The following RYR2 variants were observed in gnomAD, a reference collection of about 807,000 sequenced individuals.
RYR2 encodes the protein ryanodine receptor 2.
A neutral mutation model predicts 601.1 loss-of-function variants in RYR2; 227 were observed. That is an observed-to-expected ratio of 0.38 (90% CI 0.34 to 0.42). The LOEUF is 0.42. Among genes scored for constraint, RYR2 ranks in the 10% least tolerant of loss-of-function variants. The pLI is 1.00. For synonymous variants in RYR2, 2,223 were observed against 2,175.1 expected (o/e 1.02, Z -0.61); for missense variants, 4,646 against 6,156.5 (o/e 0.75, Z 8.21).
intron 80 of RYR2, among the ~76,000 whole-genome samples, chr1:237,746,196 T>G (rs1248812222): frequency 1.3e-5 from 2 of 152,204 alleles, no homozygotes; most frequent in Non-Finnish European, 2.9e-5. Flanking sequence ...AGACATAGTC[T>G]AATAGTGGAG....
At chr1:237,354,550 G>A (rs1699135335) in intron 3 of RYR2, among the ~76,000 whole-genome samples, 2 of 151,944 alleles carry the variant, frequency 1.3e-5, no homozygotes, top group African/African-American at 4.8e-5. Context: ...TTTTTTTGGG[G>A]AAGAGAATAA....
chr1:237,280,781 G>GTTTTTT (rs35115328), intron 2 of RYR2, among the ~76,000 whole-genome samples: 5 of 143,670 alleles, frequency 3.5e-5, no homozygotes, highest in Non-Finnish European at 3.0e-5. Context: ...CTTCTTACTG[G>GTTTTTT]TTTTTTTTTT....
intron 58 of RYR2, among the ~76,000 whole-genome samples, chr1:237,672,706 G>C (rs1685062589): frequency 6.6e-6 from 1 of 152,024 alleles, no homozygotes. Flanking sequence ...TCTTTGATTA[G>C]GACAAAAGTC....
intron 17 of RYR2, among the ~76,000 whole-genome samples, chr1:237,481,748 A>G (rs1662115974): frequency 6.6e-6 from 1 of 151,342 alleles, no homozygotes; most frequent in Non-Finnish European, 1.5e-5. Context: ...CCCAGATACA[A>G]ATTACTGCTT....
intron 50 of RYR2, 42 bp downstream of exon 50, chr1:237,650,139 A>T: frequency 6.4e-7 from 1 of 1,552,734 alleles, no homozygotes; most frequent in Non-Finnish European, 8.8e-7. Flanking sequence ...TTCTTTAAAA[A>T]ACAGAATTTA....
At chr1:237,629,563 C>A (rs1448850971) in intron 41 of RYR2, among the ~76,000 whole-genome samples, 1 of 151,548 alleles carries the variant, frequency 6.6e-6, no homozygotes, top group African/African-American at 2.4e-5. Context: ...GATGTAGTTA[C>A]ATAGATATCA....
chr1:237,612,628 A>G (rs924848794), intron 36 of RYR2, among the ~76,000 whole-genome samples: 4 of 152,006 alleles, frequency 2.6e-5, no homozygotes, highest in Non-Finnish European at 5.9e-5. Context: ...GAGTTTTATC[A>G]TAATTTTTCA....
chr1:237,554,876 T>A (rs1363110794), intron 27 of RYR2, among the ~76,000 whole-genome samples: 1 of 152,068 alleles, frequency 6.6e-6, no homozygotes. Context: ...CTTTTTATCT[T>A]GATCACTTCT....
At chr1:237,315,274 C>T (rs1234882047) in intron 2 of RYR2, among the ~76,000 whole-genome samples, 1 of 152,090 alleles carries the variant, frequency 6.6e-6, no homozygotes, top group Non-Finnish European at 1.5e-5. Context: ...CAGATAAATT[C>T]TGTGCAAGAT....
chr1:237,817,542 A>G (rs1661967903), intron 100 of RYR2, among the ~76,000 whole-genome samples: 1 of 152,220 alleles, frequency 6.6e-6, no homozygotes, highest in Non-Finnish European at 1.5e-5. Context: ...ACACCAAAAA[A>G]TAAGCAAGCT....
At chr1:237,282,872 A>G (rs1408864358) in intron 2 of RYR2, among the ~76,000 whole-genome samples, 1 of 152,226 alleles carries the variant, frequency 6.6e-6, no homozygotes, top group Non-Finnish European at 1.5e-5. Context: ...GGAACTCCCA[A>G]GTGTTCTGCT....
At chr1:237,289,184 G>A (rs563742642) in intron 2 of RYR2, among the ~76,000 whole-genome samples, 16 of 152,232 alleles carry the variant, frequency 1.1e-4, no homozygotes, top group South Asian at 1.0e-3. Context: ...GGAGCAGTCC[G>A]CTTCCTTCAG....
chr1:237,641,847 T>G (rs1681589586), intron 47 of RYR2, among the ~76,000 whole-genome samples: 1 of 152,266 alleles, frequency 6.6e-6, no homozygotes, highest in African/African-American at 2.4e-5. Context: ...CAGCCTAGAT[T>G]AGTATTTTCT....
At chr1:237,284,571 T>C (rs879309913) in intron 2 of RYR2, among the ~76,000 whole-genome samples, 1 of 91,322 alleles carries the variant, frequency 1.1e-5, no homozygotes, top group African/African-American at 6.7e-5. Flanking sequence ...CCACCATATA[T>C]ATACACACAC....
chr1:237,228,943 T>C (rs988836729), intron 1 of RYR2, among the ~76,000 whole-genome samples: 2 of 152,194 alleles, frequency 1.3e-5, no homozygotes, highest in African/African-American at 2.4e-5. Flanking sequence ...ACAGCTAACA[T>C]TGTGCACCTA....
chr1:237,181,346 C>T (rs559045422), intron 1 of RYR2, among the ~76,000 whole-genome samples: 2 of 152,182 alleles, frequency 1.3e-5, no homozygotes, highest in Admixed American at 6.5e-5. Flanking sequence ...CAGGTTCCGA[C>T]GATTATTCCT....
chr1:237,569,164 G>A lies in RYR2; in HGVS notation c.3443G>A (p.Gly1148Asp). ...DGFKAQRWHQ[G>D]NEHYGRSWQA... ...GTATAGGCCCAGCGGTGGCATCAGG[G>A]CAATGAACACTATGGGCGCTCTTGG... The change falls in exon 29 of 105, where the codon GGC becomes GAC. Residue 1148 changes from glycine (G) to aspartate (D), a missense_variant. Physicochemically the swap from Gly to Asp is moderately conservative, Grantham distance 94. Transcript: ENST00000366574. 1 of 1,613,736 alleles carries A rather than the reference G, an allele frequency of 6.2e-7. No individual in the cohort carries two copies. The highest frequency in any genetic ancestry group is 8.5e-7 in the Non-Finnish European group (1 of 1,179,804).
chr1:237,288,000 G>A (rs1691748251), intron 2 of RYR2, among the ~76,000 whole-genome samples: 1 of 152,276 alleles, frequency 6.6e-6, no homozygotes, highest in East Asian at 1.9e-4. Context: ...GTCCCACGAG[G>A]TGTTCCCTTG....
At chr1:237,438,014 T>C (rs1261850833) in intron 12 of RYR2, among the ~76,000 whole-genome samples, 1 of 123,504 alleles carries the variant, frequency 8.1e-6, no homozygotes, top group African/African-American at 2.8e-5. Context: ...AGTGTTTTAA[T>C]GGCAATCTGA....
Sources: gnomAD v4.1 joint callset for allele counts (sites outside exome capture counted in the v4.1 genomes callset) on GRCh38, gnomAD v4.1.1 for gene constraint, MANE v1.5 for transcripts, NCBI Gene and HGNC (gene_info 2026-07-23, HGNC 2026-07-21) for gene names.